The following OR1L8 variants were observed in gnomAD, a reference collection of about 807,000 sequenced individuals.
OR1L8 encodes the protein olfactory receptor family 1 subfamily L member 8.
For missense variants in OR1L8, 330 were observed against 377.4 expected (o/e 0.87, Z 1.04); for synonymous variants, 148 against 147.0 (o/e 1.01, Z -0.05).
chr9:122,572,697 T>C (rs910709216), intron 4 of OR1L8, 83 bp downstream of exon 4: 5 of 152,030 alleles, frequency 3.3e-5, no homozygotes, highest in African/African-American at 1.2e-4. Context: ...TCTTAATTCA[T>C]GAAATATTTG....
chr9:122,576,388 AT>A (rs71371951), intron 3 of OR1L8, among the ~76,000 whole-genome samples: 42,038 of 138,446 alleles, frequency 0.3, 6,222 homozygotes, highest in Non-Finnish European at 0.38. Context: ...CGCCCAGCTA[AT>A]TTTTTTTTTT....
At chr9:122,553,351 T>G in the OR1L8 span, 1 of 1,614,046 alleles carries the variant, frequency 6.2e-7, no homozygotes, top group South Asian at 1.1e-5. Flanking sequence ...GGGAACCTGC[T>G]CATTATCCTG....
chr9:122,566,586 A>G (rs10513416), downstream of OR1L8, among the ~76,000 whole-genome samples: 41,411 of 152,148 alleles, frequency 0.27, 5,830 homozygotes, highest in Middle Eastern at 0.34. Flanking sequence ...GGAATTAGTC[A>G]TAGCATCTTT....
At position 122,568,112 on chromosome 9, in the gene OR1L8, G is replaced by T. The variant is rs1588214328; in HGVS notation, c.366C>A (p.Asp122Glu). The part of the protein sequence containing the change: ...DSCLLAVMAF[D>E]RYVAVCDPFH... ...AAGGGTCACAGACGGCCACATAGCGGTCAAAGGCCATGACTGCCAGAAGGC... is the reference window on the plus strand; with the variant it reads ...AAGGGTCACAGACGGCCACATAGCGTTCAAAGGCCATGACTGCCAGAAGGC... The change falls in exon 5 of 5, where the codon GAC becomes GAA. Residue 122 changes from aspartate (D) to glutamate (E), a missense_variant. Transcript: ENST00000641027. The T allele has an allele frequency of 1.9e-6, 3 of 1,613,926 alleles. No homozygotes were observed. Among genetic ancestry groups the T allele is most frequent in the African/African-American group, 1.3e-5 (1 of 74,910 alleles).
intron 1 of OR1L8, among the ~76,000 whole-genome samples, chr9:122,581,771 A>G (rs868478569): frequency 5.9e-5 from 9 of 152,102 alleles, no homozygotes; most frequent in African/African-American, 1.9e-4. Flanking sequence ...ACATGGTGAA[A>G]CCCTGTCTCT....
chr9:122,576,708 C>T (rs181281600), intron 3 of OR1L8, 58 bp downstream of exon 3: 1 of 152,324 alleles, frequency 6.6e-6, no homozygotes, highest in African/African-American at 2.4e-5. Context: ...TTTTAACTCT[C>T]AGACTTGTCT....
the OR1L8 span, among the ~76,000 whole-genome samples, chr9:122,558,493 T>C: frequency 1.3e-5 from 2 of 151,732 alleles, no homozygotes; most frequent in Non-Finnish European, 3.0e-5. Context: ...CTTTGAGTGC[T>C]GAACCTGTCT....
the OR1L8 span, among the ~76,000 whole-genome samples, chr9:122,547,877 A>G: frequency 7.7e-4 from 117 of 152,268 alleles, 1 homozygote; most frequent in Middle Eastern, 6.8e-3. Flanking sequence ...ACTGTTTTCC[A>G]TAGAGGCTGT....
intron 4 of OR1L8, among the ~76,000 whole-genome samples, chr9:122,570,368 T>G (rs886935729): frequency 6.6e-6 from 1 of 152,230 alleles, no homozygotes; most frequent in Non-Finnish European, 1.5e-5. Context: ...CAGCAGTATA[T>G]TCTTTTACAC....
chr9:122,562,059 G>A, the OR1L8 span, among the ~76,000 whole-genome samples: 2 of 152,204 alleles, frequency 1.3e-5, no homozygotes, highest in African/African-American at 4.8e-5. Context: ...TTCCTGCAGG[G>A]AGGCCCTCCC....
the OR1L8 span, among the ~76,000 whole-genome samples, chr9:122,554,455 G>T: frequency 6.6e-6 from 1 of 152,152 alleles, no homozygotes; most frequent in Non-Finnish European, 1.5e-5. Flanking sequence ...CAAGGCATTT[G>T]TTATGAGGCT....
At chr9:122,556,089 T>C in the OR1L8 span, among the ~76,000 whole-genome samples, 2 of 152,350 alleles carry the variant, frequency 1.3e-5, no homozygotes, top group East Asian at 3.9e-4. Context: ...TCCATAGTTT[T>C]ACCTTTTCCC....
the OR1L8 span, chr9:122,554,288 TAAAAA>T: frequency 1.8e-6 from 1 of 547,800 alleles, no homozygotes; most frequent in Non-Finnish European, 3.1e-6. Context: ...GTTAGGGATG[TAAAAA>T]AAAAAAAAAG....
At chr9:122,569,403 A>G (rs757658054) in intron 4 of OR1L8, among the ~76,000 whole-genome samples, 2 of 152,220 alleles carry the variant, frequency 1.3e-5, no homozygotes, top group Non-Finnish European at 2.9e-5. Context: ...TTACCTACCA[A>G]TGGATATCAA....
the OR1L8 span, among the ~76,000 whole-genome samples, chr9:122,548,965 T>C: frequency 6.6e-6 from 1 of 152,126 alleles, no homozygotes; most frequent in South Asian, 2.1e-4. Flanking sequence ...AGAAGCTTTT[T>C]GGTTTAATTT....
chr9:122,546,499 C>T, the OR1L8 span, among the ~76,000 whole-genome samples: 1 of 152,110 alleles, frequency 6.6e-6, no homozygotes, highest in African/African-American at 2.4e-5. Flanking sequence ...TGTGAGCTGT[C>T]CAAGTGATGA....
Position 122,567,582 on chromosome 9 carries a change from TGTTTCAG to T in OR1L8, c.889_895del (p.Leu297ArgfsTer3), listed in dbSNP as rs750333533. The T allele has an allele frequency of 1.2e-6, 2 of 1,602,770 alleles. No homozygotes were observed. The highest frequency in any genetic ancestry group is 2.3e-5 in the South Asian group (2 of 88,462). On this transcript the variant is annotated frameshift_variant, in exon 5 of 5. Transcript: ENST00000641027. LOFTEE classifies it high-confidence loss of function. ...CTTGCTCATAAGCTTCCTCAGGCCC[TGTTTCAG>T]GTCTTTGTTTCTCAGGCTGTAGATA...
At chr9:122,574,498 T>C (rs190491897) in intron 3 of OR1L8, among the ~76,000 whole-genome samples, 1 of 152,282 alleles carries the variant, frequency 6.6e-6, no homozygotes, top group Non-Finnish European at 1.5e-5. Context: ...ACTTGTTTGT[T>C]GCTAATATTT....
chr9:122,579,789 A>G (rs1439124487), intron 1 of OR1L8, among the ~76,000 whole-genome samples: 1 of 152,040 alleles, frequency 6.6e-6, no homozygotes, highest in South Asian at 2.1e-4. Flanking sequence ...TTAAGCAGAA[A>G]TGAAGTAAAT....
Sources: gnomAD v4.1 joint callset for allele counts (sites outside exome capture counted in the v4.1 genomes callset) on GRCh38, gnomAD v4.1.1 for gene constraint, MANE v1.5 for transcripts, NCBI Gene and HGNC (gene_info 2026-07-23, HGNC 2026-07-21) for gene names.